OR4D9: variants seen among roughly 807,000 people sequenced by gnomAD.
The protein encoded by OR4D9 is olfactory receptor family 4 subfamily D member 9, also known as olfactory receptor 4D9.
OR4D9 carries 2 observed loss-of-function variants against 0.8 expected under a neutral mutation model. That is an observed-to-expected ratio of 2.58 (90% CI 1.06 to 8.13). The LOEUF (loss-of-function observed/expected upper bound fraction) is 8.13, where lower values mean the gene tolerates loss of function less well. OR4D9 is among the 30% of genes most tolerant of loss of function. The pLI, the probability that OR4D9 is intolerant of heterozygous loss-of-function variation, is 0.04. For synonymous variants in OR4D9, 146 were observed against 151.2 expected, an observed-to-expected ratio of 0.97 and a Z score of 0.25; for missense variants, 399 against 384.7, an observed-to-expected ratio of 1.04 and a Z score of -0.31.
chr11:59,512,794 T>C (rs1055340299), intron 1 of OR4D9, among the ~76,000 whole-genome samples: 1 of 152,022 alleles, frequency 6.6e-6, no homozygotes, highest in Non-Finnish European at 1.5e-5. Context: ...ACTGCACCAC[T>C]GCACTCCAGC....
In OR4D9 at chr11:59,515,683, C is replaced by G. The variant is rs1859395790; in HGVS notation, c.771C>G (p.Val257=). The change falls in exon 3 of 3, where the codon GTC becomes GTG. Residue 257 remains valine, a synonymous_variant. Coordinates refer to ENST00000641962, the MANE Select transcript of OR4D9 (RefSeq NM_001004711.2). The part of the protein sequence containing the change: ...VTLHFVPCIY[V]YARPFTALPT... ...TGCATTTCGTGCCCTGCATCTATGT[C>G]TATGCCCGGCCCTTCACTGCCCTCC... The G allele has an allele frequency of 6.2e-6, 10 of 1,614,174 alleles. No homozygotes were observed. The highest frequency in any genetic ancestry group is 8.5e-6 in the Non-Finnish European group (10 of 1,180,032).
chr11:59,515,132 T>C lies in OR4D9; in HGVS notation c.220T>C (p.Ser74Pro). ...CCTGTCTATTCTTGACATCTGCTTT[T>C]CCTCCATCACAGCTCCTAAGGTCCT... ...RNLSILDICF[S>P]SITAPKVLID... The change falls in exon 3 of 3, where the codon TCC becomes CCC. Residue 74 changes from serine (S) to proline (P), a missense_variant. Transcript: ENST00000641962. The C allele has an allele frequency of 6.2e-7, 1 of 1,614,184 alleles. No individual in the cohort carries two copies. Among genetic ancestry groups the C allele is most frequent in the Middle Eastern group, 1.7e-4 (1 of 6,060 alleles).
Position 59,517,199 on chromosome 11 carries a change from C to T in OR4D9, c.*1342C>T, listed in dbSNP as rs1590638096. ...GCAGTGAGCCATGTTCACTTCACTG[C>T]ACTCCAGCCTGAGCAACAGATCAAG... On this transcript the variant is annotated 3_prime_UTR_variant, in exon 3 of 3. Transcript: ENST00000641962. 6.6e-6 allele frequency: 1 copy of T among 150,850 alleles called. No homozygotes were observed. The highest frequency in any genetic ancestry group is 2.0e-4 in the East Asian group (1 of 5,128). 9.3% of individuals were successfully genotyped at this position (150,850 alleles called of 1,614,324 possible). A position where few individuals can be genotyped will look rare whatever the true frequency, so the allele number is the denominator to read the frequency against.
chr11:59,516,503 T>A lies in OR4D9; in HGVS notation c.*646T>A, dbSNP rs981535300. The A allele has an allele frequency of 6.6e-6, 1 of 150,766 alleles. No homozygotes were observed. The highest frequency in any genetic ancestry group is 1.5e-5 in the Non-Finnish European group (1 of 67,706). The allele number at this position is 150,766 out of a possible 1,614,324, so 9.3% of individuals were successfully genotyped here. ...CTCCATCTCAAAAAAATAAAAAAAA[T>A]AAAAAATAAATAAACAAAGTGCTAG... On this transcript the variant is annotated 3_prime_UTR_variant, in exon 3 of 3. Coordinates refer to ENST00000641962, the MANE Select transcript of OR4D9 (RefSeq NM_001004711.2).
rs1404696404 is a variant in OR4D9 at position 59,518,555 on chromosome 11, A to G, written c.*2698A>G. The G allele has an allele frequency of 2.6e-5, 4 of 152,144 alleles. No individual in the cohort carries two copies. The highest frequency in any genetic ancestry group is 2.0e-4 in the Admixed American group (3 of 15,266). The allele number at this position is 152,144 out of a possible 1,614,324, so 9.4% of individuals were successfully genotyped here. ...CACCACTATATCTGGCTAATTTTGTATATTTTTATTTTCATAGAGATGAGG... is the reference window on the plus strand; with the variant it reads ...CACCACTATATCTGGCTAATTTTGTGTATTTTTATTTTCATAGAGATGAGG... On this transcript the variant is annotated 3_prime_UTR_variant, in exon 3 of 3. Coordinates refer to ENST00000641962, the MANE Select transcript of OR4D9 (RefSeq NM_001004711.2).
chr11:59,512,000 G>A (rs1859332643), intron 1 of OR4D9, among the ~76,000 whole-genome samples: 1 of 152,176 alleles, frequency 6.6e-6, no homozygotes, highest in African/African-American at 2.4e-5. Context: ...GAAGATTTGA[G>A]TAAGATGTTT....
chr11:59,512,300 C>CTTTTTTTT (rs71036528), intron 1 of OR4D9, among the ~76,000 whole-genome samples: 3 of 125,496 alleles, frequency 2.4e-5, no homozygotes, highest in East Asian at 2.3e-4. Flanking sequence ...TTTCTTTTTT[C>CTTTTTTTT]TTTTTTTTTT....
chr11:59,519,164 G>C lies in OR4D9; in HGVS notation c.*3307G>C, dbSNP rs924291745. Reference sequence around the variant, plus strand: ...GCTCAGGAGTTTCAGAACAGCCTGGGCAACATGGCAAAACCCCATCTCTAC... The same window carrying C: ...GCTCAGGAGTTTCAGAACAGCCTGGCCAACATGGCAAAACCCCATCTCTAC... On this transcript the variant is annotated 3_prime_UTR_variant, in exon 3 of 3. Transcript: ENST00000641962. The C allele has an allele frequency of 1.3e-5, 2 of 152,170 alleles. No individual in the cohort carries two copies. Among genetic ancestry groups the C allele is most frequent in the Non-Finnish European group, 2.9e-5 (2 of 68,158 alleles). The allele number at this position is 152,170 out of a possible 1,614,324, so 9.4% of individuals were successfully genotyped here.
rs186900953 is a variant in OR4D9, at chr11:59,513,231, C to T, written c.-124-1442C>T. On this transcript the variant is annotated intron_variant, in intron 1 of 2. Coordinates refer to ENST00000641962, the MANE Select transcript of OR4D9 (RefSeq NM_001004711.2). ...CTGGGACTACAGGCGTGTGCCACCA[C>T]GCCCAGCTAATTTTTGTATTTTTAG... 5.2e-4 allele frequency among the ~76,000 whole-genome samples: 79 copies of T among 152,162 alleles called. 1 individual carries two copies. Among genetic ancestry groups the T allele is most frequent in the East Asian group, 4.4e-3 (23 of 5,170 alleles).
In OR4D9 at chr11:59,517,360, G is replaced by T. The variant is rs899209844; in HGVS notation, c.*1503G>T. 6.6e-6 allele frequency: 1 copy of T among 152,206 alleles called. No individual in the cohort carries two copies. Among genetic ancestry groups the T allele is most frequent in the Non-Finnish European group, 1.5e-5 (1 of 68,058 alleles). The allele number at this position is 152,206 out of a possible 1,614,324, so 9.4% of individuals were successfully genotyped here. The stretch of plus-strand genomic sequence containing the variant: ...AGCCATGGCGTAATACACTCTTGGG[G>T]TGAATACTGGTACTGGACCTTTAAA... On this transcript the variant is annotated 3_prime_UTR_variant, in exon 3 of 3. Transcript: ENST00000641962.
chr11:59,512,300 CTT>C (rs71036528), intron 1 of OR4D9, among the ~76,000 whole-genome samples: 31,251 of 124,738 alleles, frequency 0.25, 3,369 homozygotes, highest in Middle Eastern at 0.35. Flanking sequence ...TTTCTTTTTT[CTT>C]TTTTTTTTTT....
chr11:59,513,396 AC>A (rs1247541534), intron 1 of OR4D9, among the ~76,000 whole-genome samples: 1 of 152,166 alleles, frequency 6.6e-6, no homozygotes, highest in Non-Finnish European at 1.5e-5. Flanking sequence ...ACTGGTGTAA[AC>A]CAGCACCCAG....
In OR4D9 at chr11:59,514,847, A is replaced by G. The variant is rs76348160; in HGVS notation, c.-30-36A>G. 3.9e-3 allele frequency: 4,046 copies of G among 1,049,720 alleles called. 17 individuals carry two copies. Among genetic ancestry groups the G allele is most frequent in the Non-Finnish European group, 4.8e-3 (3,338 of 702,314 alleles). The allele number at this position is 1,049,720 out of a possible 1,614,324, so 65.0% of individuals were successfully genotyped here. On this transcript the variant is annotated intron_variant, in intron 2 of 2. Transcript: ENST00000641962. ...AAGACAACACTAGATTTTAGGACCT[A>G]TCAATATTATTTAACTGCACTATTA...
chr11:59,512,682 A>C (rs1859344847), intron 1 of OR4D9, among the ~76,000 whole-genome samples: 1 of 151,274 alleles, frequency 6.6e-6, no homozygotes, highest in Admixed American at 6.6e-5. Flanking sequence ...AAAAAAAAAA[A>C]AACAGCCAGG....
rs116643910 is a variant in OR4D9, at chr11:59,515,135, T to A, written c.223T>A (p.Ser75Thr). ...NLSILDICFS[S>T]ITAPKVLIDL... ...GTCTATTCTTGACATCTGCTTTTCC[T>A]CCATCACAGCTCCTAAGGTCCTGAT... The change falls in exon 3 of 3, where the codon TCC (serine) becomes ACC (threonine). Residue 75 changes from serine (S) to threonine (T), a missense_variant. Transcript: ENST00000641962. 1.9e-6 allele frequency: 3 copies of A among 1,614,006 alleles called. No individual in the cohort carries two copies. In the African/African-American group the frequency reaches 4.0e-5, roughly 22 times the overall value.
At chr11:59,513,875 G>A (rs1295182565) in intron 1 of OR4D9, among the ~76,000 whole-genome samples, 2 of 152,210 alleles carry the variant, frequency 1.3e-5, no homozygotes, top group African/African-American at 2.4e-5. Context: ...GGAGGCTGAA[G>A]TGGGAGGATC....
chr11:59,512,095 A>C (rs561264315), intron 1 of OR4D9, among the ~76,000 whole-genome samples: 49 of 152,308 alleles, frequency 3.2e-4, no homozygotes, highest in South Asian at 2.9e-3. Flanking sequence ...AATCAAGAAT[A>C]AGGGATTTTC....
rs1267801451 is a variant in OR4D9, at chr11:59,518,367, C to G, written c.*2510C>G. 6.6e-6 allele frequency: 1 copy of G among 152,186 alleles called. No homozygotes were observed. Among genetic ancestry groups the G allele is most frequent in the Non-Finnish European group, 1.5e-5 (1 of 68,066 alleles). 9.4% of individuals were successfully genotyped at this position (152,186 alleles called of 1,614,324 possible). On this transcript the variant is annotated 3_prime_UTR_variant, in exon 3 of 3. Transcript: ENST00000641962. The stretch of plus-strand genomic sequence containing the variant: ...TGGTCTGCAGAAAGAGGGCACAGTG[C>G]CACACTGTCATTCAGAAATGCAGGC...
Position 59,515,396 on chromosome 11 carries a change from C to G in OR4D9, c.484C>G (p.Leu162Val). 1 of 1,614,184 alleles carries G rather than the reference C, an allele frequency of 6.2e-7. No homozygotes were observed. The highest frequency in any genetic ancestry group is 1.1e-5 in the South Asian group (1 of 91,082). ...GFVHSIAQIS[L>V]LLPLPFCGPN... ...TGTCCACTCCATAGCGCAGATTTCT[C>G]TATTGCTCCCACTCCCTTTCTGTGG... The change falls in exon 3 of 3, where the codon CTA (leucine) becomes GTA (valine). Residue 162 changes from leucine to valine, a missense_variant. Physicochemically the swap from Leu to Val is conservative, Grantham distance 32. Transcript: ENST00000641962.
Sources: allele counts gnomAD v4.1 joint callset (sites outside exome capture counted in the v4.1 genomes callset), GRCh38; gene constraint gnomAD v4.1.1; transcripts MANE v1.5; gene names NCBI Gene and HGNC (gene_info 2026-07-23, HGNC 2026-07-21).